SLC12A8: variants seen among roughly 807,000 people sequenced by gnomAD.
The protein encoded by SLC12A8 is cation-chloride cotransporter 9.
Under a neutral mutation model 75.6 loss-of-function variants are expected in SLC12A8, and 69 were observed. That is an observed-to-expected ratio of 0.91 (90% confidence interval 0.75 to 1.11). The LOEUF (loss-of-function observed/expected upper bound fraction) is 1.11. SLC12A8 is among the 50% of genes most tolerant of loss of function. The probability of loss-of-function intolerance (pLI) is 0.00; values close to 1 mark genes in which losing one functional copy is unlikely to be tolerated. For synonymous variants in SLC12A8, 365 were observed against 372.8 expected, an observed-to-expected ratio of 0.98 and a Z score of 0.24; for missense variants, 877 against 896.7, an observed-to-expected ratio of 0.98 and a Z score of 0.28.
chr3:125,088,882 A>T (rs1454225400), intron 12 of SLC12A8, among the ~76,000 whole-genome samples: 1 of 152,220 alleles, frequency 6.6e-6, no homozygotes, highest in Non-Finnish European at 1.5e-5. Flanking sequence ...GAAATGTTAG[A>T]GCTGAAGTTT....
At chr3:125,100,753 C>T (rs554166624) in intron 10 of SLC12A8, among the ~76,000 whole-genome samples, 51 of 149,832 alleles carry the variant, frequency 3.4e-4, no homozygotes, top group African/African-American at 1.2e-3. Context: ...GTGGCTCACG[C>T]CTGTAATCCC....
intron 13 of SLC12A8, chr3:125,088,060 G>C (rs1201497886): frequency 7.9e-6 from 4 of 503,700 alleles, no homozygotes; most frequent in Non-Finnish European, 1.4e-5. Flanking sequence ...TAAAGCCTCT[G>C]TTCTTGATGA....
intron 5 of SLC12A8, among the ~76,000 whole-genome samples, chr3:125,175,202 G>T (rs1167392890): frequency 2.0e-5 from 3 of 152,186 alleles, no homozygotes; most frequent in African/African-American, 7.2e-5. Flanking sequence ...AATCTCAACA[G>T]AAAGATAGTT....
At chr3:125,154,442 CTCATCTTTA>C (rs1288994319) in intron 5 of SLC12A8, among the ~76,000 whole-genome samples, 1 of 152,142 alleles carries the variant, frequency 6.6e-6, no homozygotes, top group Non-Finnish European at 1.5e-5. Flanking sequence ...CATCAGTTAT[CTCATCTTTA>C]TCATGGGGAC....
At chr3:125,174,823 T>C (rs1314915309) in intron 5 of SLC12A8, among the ~76,000 whole-genome samples, 1 of 152,142 alleles carries the variant, frequency 6.6e-6, no homozygotes, top group African/African-American at 2.4e-5. Context: ...TGGGGAGCAT[T>C]AAAAGGCAAA....
In SLC12A8 at chr3:125,083,893, G is replaced by C. The variant is rs368445439; in HGVS notation, c.2142C>G (p.Tyr714Ter). The change falls in exon 14 of 14, where the codon TAC (tyrosine) becomes TAG (stop). Residue 714 changes from tyrosine (Y) to a stop codon, truncating the protein, a stop_gained. Transcript: ENST00000469902. LOFTEE classifies it high-confidence loss of function. ...LVNREQLMPH[Y>*] ...GAGGAAGGTCCCAGCACTGCATCTA[G>C]TAGTGAGGCATCAGCTGCTCCCGGT... The C allele has an allele frequency of 8.7e-6, 14 of 1,612,228 alleles. No individual in the cohort carries two copies. Among genetic ancestry groups the C allele is most frequent in the Non-Finnish European group, 1.1e-5 (13 of 1,179,240 alleles).
intron 10 of SLC12A8, among the ~76,000 whole-genome samples, chr3:125,100,962 G>A (rs527547390): frequency 5.8e-5 from 8 of 138,342 alleles, no homozygotes; most frequent in Non-Finnish European, 9.1e-5. Flanking sequence ...GCAGTGAGCC[G>A]AGATTGCGCC....
intron 6 of SLC12A8, among the ~76,000 whole-genome samples, chr3:125,129,614 G>A (rs35795291): frequency 0.13 from 19,687 of 152,142 alleles, 1,687 homozygotes; most frequent in East Asian, 0.35. Flanking sequence ...AGGATGGGGG[G>A]CTGGGGACAG....
chr3:125,189,929 G>C (rs1434698806), intron 3 of SLC12A8, among the ~76,000 whole-genome samples: 1 of 152,142 alleles, frequency 6.6e-6, no homozygotes, highest in African/African-American at 2.4e-5. Flanking sequence ...GAGGTAGGCG[G>C]CCCACACCTC....
chr3:125,143,987 T>C (rs530821114), intron 5 of SLC12A8, among the ~76,000 whole-genome samples: 5 of 152,256 alleles, frequency 3.3e-5, no homozygotes, highest in Non-Finnish European at 7.3e-5. Flanking sequence ...AATTGTTCCA[T>C]CTGCTAACAC....
chr3:125,178,699 C>G (rs1187694422), intron 4 of SLC12A8, among the ~76,000 whole-genome samples: 1 of 152,198 alleles, frequency 6.6e-6, no homozygotes, highest in Non-Finnish European at 1.5e-5. Flanking sequence ...GATTTTCTAT[C>G]TAACCCAGCA....
chr3:125,116,696 A>G (rs1271533209), intron 8 of SLC12A8, among the ~76,000 whole-genome samples: 1 of 152,190 alleles, frequency 6.6e-6, no homozygotes, highest in Non-Finnish European at 1.5e-5. Flanking sequence ...GGCCCAGGGG[A>G]TAATCAGATC....
chr3:125,102,914 T>C (rs2107738842), intron 10 of SLC12A8, among the ~76,000 whole-genome samples: 1 of 152,232 alleles, frequency 6.6e-6, no homozygotes, highest in Non-Finnish European at 1.5e-5. Flanking sequence ...GCAGCCCAGT[T>C]CATTCTGGCA....
At chr3:125,145,824 T>C (rs781766282) in intron 5 of SLC12A8, among the ~76,000 whole-genome samples, 1 of 152,236 alleles carries the variant, frequency 6.6e-6, no homozygotes, top group African/African-American at 2.4e-5. Flanking sequence ...ATCTTTTTTA[T>C]TCTTTTCTTT....
At chr3:125,120,475 T>G in intron 7 of SLC12A8, 124 bp downstream of exon 7, 1 of 752,148 alleles carries the variant, frequency 1.3e-6, no homozygotes, top group Non-Finnish European at 2.3e-6. Context: ...AAAAGAAGGA[T>G]CGGAATATGA....
chr3:125,150,554 A>G (rs1933894461), intron 5 of SLC12A8, among the ~76,000 whole-genome samples: 1 of 152,180 alleles, frequency 6.6e-6, no homozygotes, highest in African/African-American at 2.4e-5. Context: ...TATGGATCAG[A>G]CTGTTTTTCT....
At chr3:125,195,542 C>A (rs992875051) in intron 2 of SLC12A8, among the ~76,000 whole-genome samples, 5 of 151,712 alleles carry the variant, frequency 3.3e-5, no homozygotes, top group Non-Finnish European at 7.4e-5. Context: ...TACCACAGAG[C>A]TGGTATGAAA....
intron 5 of SLC12A8, among the ~76,000 whole-genome samples, chr3:125,165,697 C>A (rs917827269): frequency 2.0e-5 from 3 of 152,350 alleles, no homozygotes; most frequent in Admixed American, 1.3e-4. Context: ...CTGAGTCAGG[C>A]ATCACAACCT....
At chr3:125,170,093 T>C (rs980989536) in intron 5 of SLC12A8, among the ~76,000 whole-genome samples, 7 of 152,138 alleles carry the variant, frequency 4.6e-5, no homozygotes, top group Admixed American at 6.5e-5. Flanking sequence ...AGAAAAAGAT[T>C]ACATTTTTTT....
Sources: allele counts gnomAD v4.1 joint callset (sites outside exome capture counted in the v4.1 genomes callset), GRCh38; gene constraint gnomAD v4.1.1; transcripts MANE v1.5; gene names NCBI Gene and HGNC (gene_info 2026-07-23, HGNC 2026-07-21).